MACROD2: variants seen among roughly 807,000 people sequenced by gnomAD.
MACROD2 encodes mono-ADP ribosylhydrolase 2.
Under a neutral mutation model 70.4 loss-of-function variants are expected in MACROD2, and 36 were observed. That is an observed-to-expected ratio of 0.51 (90% CI 0.39 to 0.68). The LOEUF is 0.68. MACROD2 is among the 30% of genes least tolerant of loss of function. The pLI, the probability that MACROD2 is intolerant of heterozygous loss-of-function variation, is 0.00. For missense variants in MACROD2, 496 were observed against 538.4 expected (o/e 0.92, Z 0.78); for synonymous variants, 172 against 178.8 (o/e 0.96, Z 0.30).
At chr20:14,698,730 A>C (rs1057379435) in intron 5 of MACROD2, among the ~76,000 whole-genome samples, 5 of 151,220 alleles carry the variant, frequency 3.3e-5, no homozygotes, top group Non-Finnish European at 5.9e-5. Context: ...ATATGTGCAC[A>C]TAGAAAACTT....
At chr20:14,350,431 A>G (rs1434283856) in intron 3 of MACROD2, among the ~76,000 whole-genome samples, 1 of 151,864 alleles carries the variant, frequency 6.6e-6, no homozygotes, top group Non-Finnish European at 1.5e-5. Flanking sequence ...GGCAATAACA[A>G]ATGGGGTGAG....
chr20:15,101,941 C>T (rs2075876270), intron 5 of MACROD2, among the ~76,000 whole-genome samples: 1 of 151,888 alleles, frequency 6.6e-6, no homozygotes, highest in African/African-American at 2.4e-5. Context: ...GCTGAATCTA[C>T]TAGAATGTCT....
At chr20:15,780,548 G>T (rs555031035) in intron 8 of MACROD2, among the ~76,000 whole-genome samples, 1 of 152,154 alleles carries the variant, frequency 6.6e-6, no homozygotes, top group Admixed American at 6.5e-5. Context: ...GCTTTATCAC[G>T]TAAGACTTTA....
At chr20:14,337,630 C>T (rs2122649889) in intron 3 of MACROD2, 1 of 398,508 alleles carries the variant, frequency 2.5e-6, no homozygotes, top group Admixed American at 4.4e-5. Context: ...ACCTCCAAGT[C>T]TGAAGTTTAA....
chr20:14,147,040 T>G (rs576392625), intron 3 of MACROD2, among the ~76,000 whole-genome samples: 1 of 151,940 alleles, frequency 6.6e-6, no homozygotes, highest in Non-Finnish European at 1.5e-5. Context: ...TGTAGTATGG[T>G]GAGTGGTAAA....
intron 5 of MACROD2, among the ~76,000 whole-genome samples, chr20:15,109,820 A>T (rs2075940836): frequency 6.6e-6 from 1 of 152,208 alleles, no homozygotes; most frequent in Non-Finnish European, 1.5e-5. Flanking sequence ...ATTTGTTTAA[A>T]TCAAATATGC....
intron 6 of MACROD2, among the ~76,000 whole-genome samples, chr20:15,363,097 C>G (rs1208211903): frequency 2.0e-5 from 3 of 152,162 alleles, no homozygotes; most frequent in Admixed American, 1.3e-4. Context: ...AGCTACCTGT[C>G]TCCCTGTTAT....
chr20:15,448,201 C>T (rs116138056), intron 7 of MACROD2, among the ~76,000 whole-genome samples: 140 of 152,188 alleles, frequency 9.2e-4, no homozygotes, highest in African/African-American at 3.3e-3. Context: ...ATGAAGACTA[C>T]CAGCATGGCT....
intron 10 of MACROD2, among the ~76,000 whole-genome samples, chr20:15,907,585 C>T (rs1022811331): frequency 3.3e-5 from 5 of 152,192 alleles, no homozygotes; most frequent in African/African-American, 9.7e-5. Context: ...ATTGTTTATG[C>T]ACCTTTTTTT....
intron 4 of MACROD2, among the ~76,000 whole-genome samples, chr20:14,591,388 T>C (rs1048886307): frequency 1.3e-5 from 2 of 152,330 alleles, no homozygotes; most frequent in East Asian, 3.9e-4. Flanking sequence ...TCTCTTATTC[T>C]GTATAGTTTT....
At chr20:15,246,079 C>A (rs2077102874) in intron 6 of MACROD2, among the ~76,000 whole-genome samples, 1 of 152,192 alleles carries the variant, frequency 6.6e-6, no homozygotes, top group South Asian at 2.1e-4. Flanking sequence ...CTAAAACAAT[C>A]TAAAGAACTA....
intron 5 of MACROD2, among the ~76,000 whole-genome samples, chr20:14,882,983 G>C (rs2073627969): frequency 6.6e-6 from 1 of 152,066 alleles, no homozygotes; most frequent in African/African-American, 2.4e-5. Context: ...TTTTTGTGAT[G>C]GGGTGTTTGG....
intron 8 of MACROD2, among the ~76,000 whole-genome samples, chr20:15,791,455 A>AT (rs2063624346): frequency 6.6e-6 from 1 of 151,894 alleles, no homozygotes; most frequent in Non-Finnish European, 1.5e-5. Flanking sequence ...TAAAAAAAAA[A>AT]GGATGTTCAA....
At chr20:15,326,711 T>A (rs1478192742) in intron 6 of MACROD2, among the ~76,000 whole-genome samples, 1 of 152,034 alleles carries the variant, frequency 6.6e-6, no homozygotes, top group Non-Finnish European at 1.5e-5. Context: ...GTTGTGTGCA[T>A]CACAAAGATG....
At chr20:14,961,565 C>G (rs2074583522) in intron 5 of MACROD2, among the ~76,000 whole-genome samples, 1 of 151,980 alleles carries the variant, frequency 6.6e-6, no homozygotes, top group African/African-American at 2.4e-5. Flanking sequence ...TTTTGCTCTG[C>G]CACCAAGGCT....
intron 5 of MACROD2, among the ~76,000 whole-genome samples, chr20:14,796,250 G>A (rs2072508470): frequency 6.6e-6 from 1 of 151,986 alleles, no homozygotes; most frequent in South Asian, 2.1e-4. Context: ...ATCCAGTGTG[G>A]TAACAAGAAT....
intron 13 of MACROD2, among the ~76,000 whole-genome samples, chr20:15,980,821 T>A (rs1250024570): frequency 6.6e-6 from 1 of 152,222 alleles, no homozygotes; most frequent in East Asian, 1.9e-4. Flanking sequence ...GCATTTCTTA[T>A]CTGAGTTTTT....
At chr20:14,241,423 A>C (rs1254391487) in intron 3 of MACROD2, among the ~76,000 whole-genome samples, 1 of 152,206 alleles carries the variant, frequency 6.6e-6, no homozygotes, top group Admixed American at 6.5e-5. Flanking sequence ...TATGATAACA[A>C]CATGAACCAC....
At chr20:14,578,288 A>G (rs1453629315) in intron 4 of MACROD2, among the ~76,000 whole-genome samples, 1 of 152,020 alleles carries the variant, frequency 6.6e-6, no homozygotes, top group Non-Finnish European at 1.5e-5. Context: ...CTTTATTTTT[A>G]TCTATTTTTT....
Sources: gnomAD v4.1 joint callset for allele counts (sites outside exome capture counted in the v4.1 genomes callset) on GRCh38, gnomAD v4.1.1 for gene constraint, MANE v1.5 for transcripts, NCBI Gene and HGNC (gene_info 2026-07-23, HGNC 2026-07-21) for gene names.